COL25A1: variants seen among roughly 807,000 people sequenced by gnomAD.
COL25A1 encodes collagen alpha-1(XXV) chain.
Under a neutral mutation model 128.4 loss-of-function variants are expected in COL25A1, and 103 were observed. The ratio of observed to expected loss-of-function variants is 0.80; its 90% confidence interval spans 0.68 to 0.94. The LOEUF is 0.94. Ranked by LOEUF, COL25A1 falls within the 40% of genes least tolerant of loss-of-function variation. The pLI is 0.00. For missense variants in COL25A1, 745 were observed against 840.0 expected, an observed-to-expected ratio of 0.89 and a Z score of 1.40; for synonymous variants, 279 against 277.2, an observed-to-expected ratio of 1.01 and a Z score of -0.06.
chr4:108,817,504 C>T (rs1397872214), intron 36 of COL25A1, 69 bp from the exon 37 acceptor site: 4 of 1,422,460 alleles, frequency 2.8e-6, no homozygotes, highest in African/African-American at 2.9e-5. Flanking sequence ...AATTCACATG[C>T]TCAGAGGCTT....
At chr4:109,200,019 A>G (rs1245099644) in intron 3 of COL25A1, among the ~76,000 whole-genome samples, 2 of 152,240 alleles carry the variant, frequency 1.3e-5, no homozygotes, top group East Asian at 3.8e-4. Context: ...CCTAGCTTAA[A>G]CTAACTGACA....
At chr4:108,832,601 A>T in intron 31 of COL25A1, 168 bp from the exon 32 acceptor site, 1 of 559,224 alleles carries the variant, frequency 1.8e-6, no homozygotes, top group Non-Finnish European at 3.2e-6. Context: ...TTTTCAAGAA[A>T]CTCATGCAAA....
At chr4:108,957,694 G>T (rs1750226391) in intron 8 of COL25A1, among the ~76,000 whole-genome samples, 1 of 152,162 alleles carries the variant, frequency 6.6e-6, no homozygotes, top group Admixed American at 6.5e-5. Flanking sequence ...ATAAAACTCA[G>T]CCTAGGACAC....
chr4:109,004,529 C>T, intron 6 of COL25A1, among the ~76,000 whole-genome samples: 1 of 151,962 alleles, frequency 6.6e-6, no homozygotes, highest in Non-Finnish European at 1.5e-5. Context: ...GAAATGTAAT[C>T]CCTAGAGTTG....
At chr4:109,068,813 C>T (rs1245648208) in intron 3 of COL25A1, among the ~76,000 whole-genome samples, 2 of 151,956 alleles carry the variant, frequency 1.3e-5, no homozygotes, top group East Asian at 1.9e-4. Context: ...GCTCTGGGTT[C>T]GGTGGTACAG....
intron 19 of COL25A1, among the ~76,000 whole-genome samples, chr4:108,872,151 A>C (rs62314573): frequency 2.0e-5 from 3 of 152,022 alleles, no homozygotes; most frequent in Admixed American, 2.0e-4. Context: ...GTGGTGGCTC[A>C]TGTTTTGTAA....
chr4:109,133,245 T>C (rs1769397195), intron 3 of COL25A1, among the ~76,000 whole-genome samples: 1 of 152,124 alleles, frequency 6.6e-6, no homozygotes, highest in African/African-American at 2.4e-5. Context: ...AGAAAGAATA[T>C]ATTTTGTAGT....
intron 3 of COL25A1, among the ~76,000 whole-genome samples, chr4:109,255,428 A>G (rs774709955): frequency 4.6e-5 from 7 of 152,120 alleles, no homozygotes; most frequent in Non-Finnish European, 7.4e-5. Context: ...GTGTTATCCA[A>G]ATTTATTTCA....
chr4:109,196,745 G>A (rs1056111825), intron 3 of COL25A1, among the ~76,000 whole-genome samples: 1 of 152,116 alleles, frequency 6.6e-6, no homozygotes, highest in African/African-American at 2.4e-5. Flanking sequence ...GTCTGTAGTG[G>A]ATTTAGCAGA....
intron 19 of COL25A1, among the ~76,000 whole-genome samples, chr4:108,874,826 A>G (rs1378708057): frequency 6.6e-6 from 1 of 152,252 alleles, no homozygotes; most frequent in Non-Finnish European, 1.5e-5. Flanking sequence ...AATGAATAGC[A>G]TAAGAATAAG....
chr4:109,269,584 T>A (rs1309711559), intron 3 of COL25A1, among the ~76,000 whole-genome samples: 7 of 150,332 alleles, frequency 4.7e-5, no homozygotes, highest in Admixed American at 2.0e-4. Context: ...CCACATCCTC[T>A]CCAGCACCTG....
intron 3 of COL25A1, among the ~76,000 whole-genome samples, chr4:109,289,735 C>T (rs774680918): frequency 2.6e-5 from 4 of 151,964 alleles, no homozygotes; most frequent in Non-Finnish European, 5.9e-5. Flanking sequence ...GAATGGGGTT[C>T]TTATTTAGGA....
intron 5 of COL25A1, among the ~76,000 whole-genome samples, chr4:109,042,799 T>A (rs1156199): frequency 6.6e-6 from 1 of 151,844 alleles, no homozygotes; most frequent in Non-Finnish European, 1.5e-5. Flanking sequence ...TACTTCCACA[T>A]GATTTGCTTC....
At chr4:109,081,551 G>C (rs1235162054) in intron 3 of COL25A1, among the ~76,000 whole-genome samples, 1 of 152,052 alleles carries the variant, frequency 6.6e-6, no homozygotes, top group Non-Finnish European at 1.5e-5. Context: ...ATGATAATTA[G>C]TATATTCATA....
intron 3 of COL25A1, among the ~76,000 whole-genome samples, chr4:109,265,518 CGTGTGT>C (rs57643656): frequency 0.079 from 10,288 of 129,606 alleles, 533 homozygotes; most frequent in East Asian, 0.17. Context: ...AATAACAGTA[CGTGTGT>C]GTGTGTGTGT....
intron 19 of COL25A1, among the ~76,000 whole-genome samples, chr4:108,875,715 TATACCCAAAAGATTATAA>T (rs1177258565): frequency 6.6e-6 from 1 of 152,212 alleles, no homozygotes; most frequent in Non-Finnish European, 1.5e-5. Context: ...TTACTGGGTA[TATACCCAAAAGATTATAA>T]ATCATGCTAC....
In COL25A1 at chr4:109,281,050, T is replaced by C. The variant is rs564801607; in HGVS notation, c.367+19533A>G. On this transcript the variant is annotated intron_variant, in intron 3 of 37. Coordinates refer to ENST00000399132, the MANE Select transcript of COL25A1 (RefSeq NM_198721.4). Reference sequence around the variant, plus strand: ...GTAGATAGACAAAGGAAGCACATCTTAAAATGTTAGACTTTAATATTAAAT... The same window carrying C: ...GTAGATAGACAAAGGAAGCACATCTCAAAATGTTAGACTTTAATATTAAAT... 1.7e-3 allele frequency among the ~76,000 whole-genome samples: 260 copies of C among 152,308 alleles called. 2 individuals are homozygous for C. The highest frequency in any genetic ancestry group is 6.1e-3 in the African/African-American group (252 of 41,568).
chr4:109,129,229 A>C (rs1579456656), intron 3 of COL25A1, among the ~76,000 whole-genome samples: 1 of 151,996 alleles, frequency 6.6e-6, no homozygotes, highest in Non-Finnish European at 1.5e-5. Flanking sequence ...TTCCAGGTTC[A>C]AGCGATTCTC....
At chr4:108,852,359 C>T (rs938712862) in intron 25 of COL25A1, 79 bp from the exon 26 acceptor site, 1 of 1,011,944 alleles carries the variant, frequency 9.9e-7, no homozygotes, top group South Asian at 1.5e-5. Context: ...GCACACTATA[C>T]ACCTTCCTTA....
Sources: gnomAD v4.1 joint callset for allele counts (sites outside exome capture counted in the v4.1 genomes callset) on GRCh38, gnomAD v4.1.1 for gene constraint, MANE v1.5 for transcripts, NCBI Gene and HGNC (gene_info 2026-07-23, HGNC 2026-07-21) for gene names.